The following NBAS variants were observed in gnomAD, a reference collection of about 807,000 sequenced individuals.
NBAS encodes NBAS subunit of NRZ tethering complex.
NBAS carries 219 observed loss-of-function variants against 302.5 expected under a neutral mutation model. The observed-to-expected ratio is 0.72, with a 90% CI of 0.65 to 0.81. The LOEUF is 0.81. NBAS is among the 30% of genes least tolerant of loss of function. The probability of loss-of-function intolerance (pLI) is 0.00; values close to 1 mark genes in which losing one functional copy is unlikely to be tolerated. For missense variants in NBAS, 2,932 were observed against 2,841.6 expected (o/e 1.03, Z -0.72); for synonymous variants, 1,118 against 1,021.6 (o/e 1.09, Z -1.80).
intron 11 of NBAS, among the ~76,000 whole-genome samples, chr2:15,503,504 C>A (rs573900227): frequency 3.9e-5 from 6 of 152,288 alleles, no homozygotes; most frequent in South Asian, 2.1e-4. Context: ...CCCCACAAGA[C>A]AAAAGTATGA....
the NBAS span, among the ~76,000 whole-genome samples, chr2:15,149,531 G>A: frequency 6.6e-6 from 1 of 152,016 alleles, no homozygotes; most frequent in Non-Finnish European, 1.5e-5. Flanking sequence ...TGTCACTCAG[G>A]CTGGAGTGCA....
chr2:15,293,954 A>G (rs1388231016), intron 40 of NBAS, among the ~76,000 whole-genome samples: 3 of 152,216 alleles, frequency 2.0e-5, no homozygotes, highest in Non-Finnish European at 4.4e-5. Flanking sequence ...TCCTACTCTC[A>G]AAACCACAAA....
chr2:15,155,385 C>A, the NBAS span, among the ~76,000 whole-genome samples: 1 of 152,004 alleles, frequency 6.6e-6, no homozygotes, highest in South Asian at 2.1e-4. Context: ...TATTGGAAGA[C>A]CCAACAGGCA....
At chr2:14,899,828 A>G in the NBAS span, among the ~76,000 whole-genome samples, 1 of 151,828 alleles carries the variant, frequency 6.6e-6, no homozygotes, top group Admixed American at 6.6e-5. Flanking sequence ...CCATGATTTC[A>G]GGAGCCTAAG....
the NBAS span, among the ~76,000 whole-genome samples, chr2:14,792,274 T>G: frequency 6.6e-6 from 1 of 152,194 alleles, no homozygotes; most frequent in African/African-American, 2.4e-5. Flanking sequence ...GTTGAAAATA[T>G]CATAAGTTGA....
the NBAS span, among the ~76,000 whole-genome samples, chr2:15,127,609 T>A: frequency 2.0e-5 from 3 of 152,246 alleles, no homozygotes; most frequent in Non-Finnish European, 4.4e-5. Context: ...GCTGTTCTTC[T>A]TTTAAGACCT....
At chr2:15,203,507 T>C (rs1665978843) in intron 48 of NBAS, among the ~76,000 whole-genome samples, 1 of 152,188 alleles carries the variant, frequency 6.6e-6, no homozygotes, top group Non-Finnish European at 1.5e-5. Context: ...AGTTAGAAAT[T>C]ATGCAGGGAG....
At chr2:14,917,767 TG>T in the NBAS span, among the ~76,000 whole-genome samples, 1 of 152,184 alleles carries the variant, frequency 6.6e-6, no homozygotes, top group Non-Finnish European at 1.5e-5. Context: ...TCATTTTATA[TG>T]AAAACACCAC....
chr2:15,364,579 G>A (rs976962505), intron 32 of NBAS, among the ~76,000 whole-genome samples: 2 of 152,118 alleles, frequency 1.3e-5, no homozygotes, highest in African/African-American at 4.8e-5. Context: ...TTCTCCTGGA[G>A]CACTGACTCC....
At chr2:15,353,477 A>G (rs1442044409) in intron 34 of NBAS, 76 bp downstream of exon 34, 1 of 1,553,328 alleles carries the variant, frequency 6.4e-7, no homozygotes, top group Admixed American at 1.7e-5. Context: ...TTTTTAAGTG[A>G]CCACATACCT....
At chr2:15,227,749 C>A (rs1212778773) in intron 47 of NBAS, among the ~76,000 whole-genome samples, 1 of 152,100 alleles carries the variant, frequency 6.6e-6, no homozygotes, top group Admixed American at 6.6e-5. Context: ...ACAGTCTCTT[C>A]AATAAATGGT....
intron 26 of NBAS, among the ~76,000 whole-genome samples, chr2:15,398,007 A>C (rs1240073682): frequency 6.6e-6 from 1 of 152,198 alleles, no homozygotes; most frequent in Admixed American, 6.5e-5. Flanking sequence ...TTTGGACAGG[A>C]GTGATGAGTG....
the NBAS span, among the ~76,000 whole-genome samples, chr2:14,790,607 A>G: frequency 6.6e-6 from 1 of 152,024 alleles, no homozygotes; most frequent in African/African-American, 2.4e-5. Flanking sequence ...CCACTCTTTC[A>G]ATCTCATGAA....
intron 28 of NBAS, among the ~76,000 whole-genome samples, chr2:15,391,922 T>C (rs1455993087): frequency 1.3e-5 from 2 of 151,228 alleles, no homozygotes; most frequent in Non-Finnish European, 2.9e-5. Context: ...AATATATCCT[T>C]ATATACCAAG....
chr2:15,203,870 CTG>C (rs139907737), intron 48 of NBAS, among the ~76,000 whole-genome samples: 30,809 of 127,898 alleles, frequency 0.24, 4,322 homozygotes, highest in East Asian at 0.6. Context: ...GTGTCTGTGT[CTG>C]TGTGTGTGTG....
At chr2:14,915,476 G>C in the NBAS span, among the ~76,000 whole-genome samples, 13 of 152,302 alleles carry the variant, frequency 8.5e-5, no homozygotes, top group African/African-American at 3.1e-4. Context: ...TGTTGTGGGA[G>C]GGACCCAGAG....
At chr2:15,526,019 G>A (rs999482366) in intron 9 of NBAS, among the ~76,000 whole-genome samples, 2 of 152,020 alleles carry the variant, frequency 1.3e-5, no homozygotes, top group East Asian at 1.9e-4. Flanking sequence ...AGTACCCACC[G>A]TGAGCGAAAG....
chr2:15,145,745 T>C, the NBAS span, among the ~76,000 whole-genome samples: 42 of 152,204 alleles, frequency 2.8e-4, no homozygotes, highest in Middle Eastern at 3.4e-3. Flanking sequence ...CACCAACCAG[T>C]AGCCTCGGCA....
At chr2:15,175,893 T>C (rs1171024619) in intron 51 of NBAS, among the ~76,000 whole-genome samples, 5 of 152,204 alleles carry the variant, frequency 3.3e-5, no homozygotes, top group African/African-American at 9.7e-5. Context: ...AAATAATACA[T>C]GCTATCAGCA....
Sources: gnomAD v4.1 joint callset for allele counts (sites outside exome capture counted in the v4.1 genomes callset) on GRCh38, gnomAD v4.1.1 for gene constraint, MANE v1.5 for transcripts, NCBI Gene and HGNC (gene_info 2026-07-23, HGNC 2026-07-21) for gene names.